The following RABGAP1L variants were observed in gnomAD, a reference collection of about 807,000 sequenced individuals.
RABGAP1L encodes the protein rab GTPase-activating protein 1-like.
In RABGAP1L, 63 loss-of-function variants were observed where a neutral mutation model predicts 137.7. The ratio of observed to expected loss-of-function variants is 0.46; its 90% CI spans 0.37 to 0.56. The LOEUF is 0.56. Among genes scored for constraint, RABGAP1L ranks in the 20% least tolerant of loss-of-function variants. RABGAP1L has a pLI of 0.00. For synonymous variants in RABGAP1L, 431 were observed against 433.7 expected (o/e 0.99, Z 0.08); for missense variants, 1,095 against 1,244.0 (o/e 0.88, Z 1.80).
intron 1 of RABGAP1L, among the ~76,000 whole-genome samples, chr1:174,192,306 C>A (rs1484971637): frequency 6.7e-6 from 1 of 149,314 alleles, no homozygotes; most frequent in African/African-American, 2.5e-5. Flanking sequence ...CACTTATCCA[C>A]CTGTCTGAGG....
At chr1:174,951,388 CT>C (rs994199675) in intron 19 of RABGAP1L, among the ~76,000 whole-genome samples, 6 of 152,252 alleles carry the variant, frequency 3.9e-5, no homozygotes, top group Non-Finnish European at 8.8e-5. Flanking sequence ...TAATACTTCC[CT>C]CATGGAGTTG....
At chr1:174,444,880 T>G (rs1294577466) in intron 13 of RABGAP1L, among the ~76,000 whole-genome samples, 1 of 152,046 alleles carries the variant, frequency 6.6e-6, no homozygotes, top group Non-Finnish European at 1.5e-5. Context: ...TTTCAAAAAA[T>G]CAAGTTTTTG....
chr1:174,517,836 CT>C, intron 13 of RABGAP1L, among the ~76,000 whole-genome samples: 1 of 152,160 alleles, frequency 6.6e-6, no homozygotes, highest in East Asian at 1.9e-4. Context: ...TGACATAGTT[CT>C]TTATATTTTC....
chr1:174,221,733 G>C (rs1043123173), intron 3 of RABGAP1L, among the ~76,000 whole-genome samples: 1 of 152,056 alleles, frequency 6.6e-6, no homozygotes, highest in Non-Finnish European at 1.5e-5. Flanking sequence ...AGGCTCTGAT[G>C]GTGTTTTTTT....
intron 17 of RABGAP1L, among the ~76,000 whole-genome samples, chr1:174,725,674 CTGTT>C (rs1681919487): frequency 6.6e-6 from 1 of 152,072 alleles, no homozygotes; most frequent in African/African-American, 2.4e-5. Flanking sequence ...GAAGTACTAT[CTGTT>C]TGCTTGCTAG....
intron 13 of RABGAP1L, among the ~76,000 whole-genome samples, chr1:174,517,970 A>G (rs777579159): frequency 1.3e-5 from 2 of 152,222 alleles, no homozygotes; most frequent in Non-Finnish European, 2.9e-5. Flanking sequence ...GTGTCAATGG[A>G]TACAGAAGGT....
chr1:174,508,323 C>T (rs1331899955), intron 13 of RABGAP1L, among the ~76,000 whole-genome samples: 1 of 152,100 alleles, frequency 6.6e-6, no homozygotes, highest in Non-Finnish European at 1.5e-5. Flanking sequence ...TTCAGTGTGT[C>T]TCAGATATGG....
intron 10 of RABGAP1L, among the ~76,000 whole-genome samples, chr1:174,291,840 A>G (rs770489038): frequency 4.0e-5 from 6 of 151,670 alleles, no homozygotes; most frequent in Non-Finnish European, 7.4e-5. Context: ...TAATCAGTCT[A>G]GGTAGAAGTC....
chr1:174,614,995 G>A (rs1348356694), intron 13 of RABGAP1L, among the ~76,000 whole-genome samples: 1 of 152,106 alleles, frequency 6.6e-6, no homozygotes, highest in Non-Finnish European at 1.5e-5. Context: ...TTTTTTCAAA[G>A]TTATTAACTT....
At chr1:174,390,482 GTTA>G (rs1242059887) in intron 12 of RABGAP1L, among the ~76,000 whole-genome samples, 1 of 152,066 alleles carries the variant, frequency 6.6e-6, no homozygotes, top group Admixed American at 6.6e-5. Context: ...AAATCATTAT[GTTA>G]TTATATATCA....
At chr1:174,505,500 T>C (rs1368166947) in intron 13 of RABGAP1L, among the ~76,000 whole-genome samples, 1 of 152,084 alleles carries the variant, frequency 6.6e-6, no homozygotes, top group Non-Finnish European at 1.5e-5. Flanking sequence ...TGTTCTGAAT[T>C]TTTGCTTGTA....
rs182947095 is a variant in RABGAP1L, at chr1:174,778,698, G to A, written c.2211+26344G>A. Among the ~76,000 whole-genome samples the A allele has an allele frequency of 1.3e-4, 20 of 151,970 alleles. No individual in the cohort carries two copies. In the East Asian group the frequency reaches 3.7e-3, roughly 28 times the overall value. Reference sequence around the variant, plus strand: ...CAATCTCCACCTCCTGGGTTCAAGCGATTCTCCTGCCTCAGCCTCCCGAGT... The same window carrying A: ...CAATCTCCACCTCCTGGGTTCAAGCAATTCTCCTGCCTCAGCCTCCCGAGT... On this transcript the variant is annotated intron_variant, in intron 18 of 25. Transcript: ENST00000681986.
intron 20 of RABGAP1L, among the ~76,000 whole-genome samples, chr1:174,963,244 T>G (rs1342377676): frequency 6.6e-6 from 1 of 152,194 alleles, no homozygotes; most frequent in Non-Finnish European, 1.5e-5. Flanking sequence ...ACAAGGATGG[T>G]TTATATATGC....
intron 14 of RABGAP1L, among the ~76,000 whole-genome samples, chr1:174,655,087 T>A (rs1019666404): frequency 2.7e-5 from 4 of 150,336 alleles, no homozygotes; most frequent in South Asian, 4.2e-4. Context: ...CTAAACTGTT[T>A]GAGAGTGATT....
intron 1 of RABGAP1L, among the ~76,000 whole-genome samples, chr1:174,169,304 C>G (rs1424475167): frequency 6.6e-6 from 1 of 151,690 alleles, no homozygotes; most frequent in Non-Finnish European, 1.5e-5. Flanking sequence ...ACTGCAGCCT[C>G]TGACCTCTGC....
At chr1:174,850,079 A>T (rs1386612780) in intron 19 of RABGAP1L, 3 of 528,022 alleles carry the variant, frequency 5.7e-6, no homozygotes, top group Non-Finnish European at 1.1e-5. Context: ...GGTGTCTGGG[A>T]TTGGGAGGGG....
At chr1:174,526,363 G>A (rs1419990271) in intron 13 of RABGAP1L, among the ~76,000 whole-genome samples, 5 of 152,144 alleles carry the variant, frequency 3.3e-5, no homozygotes, top group African/African-American at 9.7e-5. Flanking sequence ...CATGATATGA[G>A]TTAGGGAAAA....
At chr1:174,318,185 A>G (rs1679576231) in intron 11 of RABGAP1L, among the ~76,000 whole-genome samples, 1 of 152,106 alleles carries the variant, frequency 6.6e-6, no homozygotes. Flanking sequence ...ATGTTCTTGC[A>G]CAGGGGACAA....
intron 13 of RABGAP1L, among the ~76,000 whole-genome samples, chr1:174,500,902 T>A (rs1301392722): frequency 6.6e-6 from 1 of 152,182 alleles, no homozygotes; most frequent in East Asian, 1.9e-4. Flanking sequence ...GATGAATCAT[T>A]GAGACTGTCT....
Sources: gnomAD v4.1 joint callset for allele counts (sites outside exome capture counted in the v4.1 genomes callset) on GRCh38, gnomAD v4.1.1 for gene constraint, MANE v1.5 for transcripts, NCBI Gene and HGNC (gene_info 2026-07-23, HGNC 2026-07-21) for gene names.